The following RNF32 variants were observed in gnomAD, a reference collection of about 807,000 sequenced individuals.
RNF32 encodes ring finger protein 32.
In RNF32, 36 loss-of-function variants were observed where a neutral mutation model predicts 41.0. That is an observed-to-expected ratio of 0.88 (90% CI 0.67 to 1.16). RNF32 has a LOEUF of 1.16. Ranked by LOEUF, RNF32 falls within the 50% of genes most tolerant of loss-of-function variation. The pLI is 0.00. For missense variants in RNF32, 413 were observed against 436.7 expected (o/e 0.95, Z 0.48); for synonymous variants, 154 against 160.9 (o/e 0.96, Z 0.32).
At chr7:156,644,867 G>A (rs1451175600) in intron 3 of RNF32, 110 bp downstream of exon 3, 6 of 1,160,318 alleles carry the variant, frequency 5.2e-6, no homozygotes, top group Non-Finnish European at 6.1e-6. Context: ...TAATTATACA[G>A]AGAGGTGTGT....
chr7:156,669,959 G>T lies in RNF32; in HGVS notation c.685-5737G>T, dbSNP rs910282089. On this transcript the variant is annotated intron_variant, in intron 7 of 8. Coordinates refer to ENST00000317955, the MANE Select transcript of RNF32 (RefSeq NM_030936.4). This position sits in a 1 kb window ranked among gnomAD's most constrained non-coding sequence, Gnocchi z 4.2. Reference sequence around the variant, plus strand: ...CCTGTTTAAAAGAAAGAAAACATGGGAAAGTGCCATCCAAGTACTAAAAGT... The same window carrying T: ...CCTGTTTAAAAGAAAGAAAACATGGTAAAGTGCCATCCAAGTACTAAAAGT... Among the ~76,000 whole-genome samples, 12 of 152,208 alleles carry T rather than the reference G, an allele frequency of 7.9e-5. No individual in the cohort carries two copies. Among genetic ancestry groups the T allele is most frequent in the African/African-American group, 2.7e-4 (11 of 41,464 alleles).
intron 3 of RNF32, chr7:156,654,187 C>G (rs887402568): frequency 6.6e-6 from 1 of 152,476 alleles, no homozygotes; most frequent in African/African-American, 2.4e-5. Context: ...CAACCAGCCA[C>G]AGATCAAAAT....
chr7:156,644,306 A>G (rs1451406851), intron 2 of RNF32, among the ~76,000 whole-genome samples, 193 bp from the exon 3 acceptor site: 1 of 152,224 alleles, frequency 6.6e-6, no homozygotes, highest in Non-Finnish European at 1.5e-5. Flanking sequence ...TTAAATGAAA[A>G]GATATTCCTG....
chr7:156,658,083 A>T, intron 5 of RNF32, 45 bp from the exon 6 acceptor site: 1 of 1,578,418 alleles, frequency 6.3e-7, no homozygotes, highest in Non-Finnish European at 8.7e-7. Flanking sequence ...AACGTTGTTT[A>T]TAAGTAATTA....
At chr7:156,673,315 A>G (rs190894932) in intron 7 of RNF32, among the ~76,000 whole-genome samples, 1 of 152,336 alleles carries the variant, frequency 6.6e-6, no homozygotes, top group East Asian at 1.9e-4. Context: ...CTGAATTACA[A>G]AGCATCAATT....
chr7:156,657,507 A>C, intron 4 of RNF32, 34 bp from the exon 5 acceptor site: 1 of 1,611,920 alleles, frequency 6.2e-7, no homozygotes, highest in South Asian at 1.1e-5. Context: ...TCTCTTTTGT[A>C]AACTTCAACG....
rs1799924979 is a variant in RNF32 at position 156,657,636 on chromosome 7, CAT to C, written c.450+65_450+66del. ...TGTCGCTCTCACAGTGCAGAGAAAC[CAT>C]AGTCATTTTCAAGGCTCCTAAGGAG... On this transcript the variant is annotated intron_variant, in intron 5 of 8. Coordinates refer to ENST00000317955, the MANE Select transcript of RNF32 (RefSeq NM_030936.4). 1.3e-5 allele frequency: 20 copies of C among 1,513,984 alleles called. No homozygotes were observed. The South Asian group carries it at 2.0e-4, about 15-fold the overall frequency. The allele number at this position is 1,513,984 out of a possible 1,614,324, so 93.8% of individuals were successfully genotyped here.
At chr7:156,662,847 C>CTT (rs55909570) in intron 7 of RNF32, among the ~76,000 whole-genome samples, 60 of 130,442 alleles carry the variant, frequency 4.6e-4, no homozygotes, top group African/African-American at 9.8e-4. Context: ...AACAGCCATT[C>CTT]TTTTTTTTTT....
chr7:156,676,719 TGC>T lies in RNF32; in HGVS notation c.*65_*66del. On this transcript the variant is annotated 3_prime_UTR_variant, in exon 9 of 9. Coordinates refer to ENST00000317955, the MANE Select transcript of RNF32 (RefSeq NM_030936.4). ...AAGTTTACCATCATTTTGGATGAACTGCATGAGTTCTGGGTTAAGTACTACAA... is the reference window on the plus strand; with the variant it reads ...AAGTTTACCATCATTTTGGATGAACTATGAGTTCTGGGTTAAGTACTACAA... The T allele has an allele frequency of 8.2e-7, 1 of 1,218,088 alleles. No individual in the cohort carries two copies. Among genetic ancestry groups the T allele is most frequent in the South Asian group, 1.3e-5 (1 of 79,222 alleles). The allele number at this position is 1,218,088 out of a possible 1,614,324, so 75.5% of individuals were successfully genotyped here.
At chr7:156,644,805 AT>A (rs1166684043) in intron 3 of RNF32, 48 bp downstream of exon 3, 3 of 1,543,374 alleles carry the variant, frequency 1.9e-6, no homozygotes, top group South Asian at 2.4e-5. Context: ...GGCTAAAAAA[AT>A]CTATTGAGAT....
rs147514515 is a variant in RNF32, at chr7:156,670,677, G to A, written c.685-5019G>A. ...GACCTGCAGATTTCCCAGTGGGAGC[G>A]GCAGAAGGTGAGATGGCATCTCCGT... On this transcript the variant is annotated intron_variant, in intron 7 of 8. Transcript: ENST00000317955. This position sits in a 1 kb window ranked among gnomAD's most constrained non-coding sequence, Gnocchi z 4.3. 1.6e-3 allele frequency among the ~76,000 whole-genome samples: 247 copies of A among 152,260 alleles called. No homozygotes were observed. Among genetic ancestry groups the A allele is most frequent in the African/African-American group, 5.3e-3 (221 of 41,546 alleles).
At chr7:156,675,633 G>C in intron 7 of RNF32, 63 bp from the exon 8 acceptor site, 2 of 1,438,732 alleles carry the variant, frequency 1.4e-6, no homozygotes, top group Non-Finnish European at 1.9e-6. Flanking sequence ...AGGCTCGAGA[G>C]CGCTTCCCTG....
chr7:156,674,258 C>A (rs1227904289), intron 7 of RNF32, among the ~76,000 whole-genome samples: 5 of 152,164 alleles, frequency 3.3e-5, no homozygotes. Context: ...TTATCTGCCA[C>A]CCCCCGGGCC....
At chr7:156,674,531 G>A (rs76836699) in intron 7 of RNF32, among the ~76,000 whole-genome samples, 4,355 of 152,192 alleles carry the variant, frequency 0.029, 257 homozygotes, top group East Asian at 0.22. Flanking sequence ...CCACCTACCC[G>A]TGCCTCAGAT....
chr7:156,660,120 G>A (rs1274570728), intron 7 of RNF32: 11 of 985,636 alleles, frequency 1.1e-5, no homozygotes, highest in African/African-American at 3.5e-5. Flanking sequence ...CTCATCGCTC[G>A]GAACGCCCCG....
Position 156,671,535 on chromosome 7 carries a change from C to T in RNF32, c.685-4161C>T, listed in dbSNP as rs531639248. 2.7e-3 allele frequency among the ~76,000 whole-genome samples: 408 copies of T among 152,276 alleles called. 1 individual carries two copies. Among genetic ancestry groups the T allele is most frequent in the Non-Finnish European group, 4.9e-3 (332 of 68,024 alleles). On this transcript the variant is annotated intron_variant, in intron 7 of 8. Coordinates refer to ENST00000317955, the MANE Select transcript of RNF32 (RefSeq NM_030936.4). The stretch of plus-strand genomic sequence containing the variant: ...TATATCATTATAAAAACTGACCATA[C>T]GCTTGTCCATGATGCAGATGTCATC...
At chr7:156,643,565 AT>A (rs757991590) in intron 1 of RNF32, among the ~76,000 whole-genome samples, 44 of 152,236 alleles carry the variant, frequency 2.9e-4, no homozygotes, top group Non-Finnish European at 5.6e-4. Context: ...AACCATTTGT[AT>A]TAATGTGTCC....
At chr7:156,643,534 A>G (rs1018798438) in intron 1 of RNF32, among the ~76,000 whole-genome samples, 9 of 152,208 alleles carry the variant, frequency 5.9e-5, no homozygotes, top group Admixed American at 5.2e-4. Context: ...ATATTTAGCA[A>G]TGGATTAATT....
At chr7:156,644,823 T>A in intron 3 of RNF32, 66 bp downstream of exon 3, 2 of 1,438,236 alleles carry the variant, frequency 1.4e-6, no homozygotes, top group East Asian at 2.3e-5. Context: ...AGATTAATAG[T>A]ATAATTTTTT....
Sources: gnomAD v4.1 joint callset for allele counts (sites outside exome capture counted in the v4.1 genomes callset) on GRCh38, gnomAD v4.1.1 for gene constraint, Gnocchi (gnomAD v3.1) non-coding constraint, MANE v1.5 for transcripts, NCBI Gene and HGNC (gene_info 2026-07-23, HGNC 2026-07-21) for gene names.